Variants in TMEM132B observed in about 807,000 individuals in gnomAD.
TMEM132B encodes transmembrane protein 132B.
In TMEM132B, 18 loss-of-function variants were observed where a neutral mutation model predicts 90.8. That is an observed-to-expected ratio of 0.20 (90% CI 0.14 to 0.29). The LOEUF (loss-of-function observed/expected upper bound fraction) is 0.29, where lower values mean the gene tolerates loss of function less well. Among genes scored for constraint, TMEM132B ranks in the 10% least tolerant of loss-of-function variants. The pLI is 1.00. For synonymous variants in TMEM132B, 504 were observed against 523.3 expected (o/e 0.96, Z 0.50); for missense variants, 1,096 against 1,326.8 (o/e 0.83, Z 2.70).
intron 2 of TMEM132B, among the ~76,000 whole-genome samples, chr12:125,365,431 A>G (rs1024620633): frequency 6.6e-6 from 1 of 152,116 alleles, no homozygotes; most frequent in Non-Finnish European, 1.5e-5. Context: ...TATGTATTAT[A>G]AAGACATTAG....
rs182788600 is a variant in TMEM132B, at chr12:125,209,540, C to T, written c.67+22674C>T. Among the ~76,000 whole-genome samples the T allele has an allele frequency of 1.8e-4, 28 of 152,306 alleles. No individual in the cohort carries two copies. The East Asian group carries it at 3.7e-3, about 20-fold the overall frequency. On this transcript the variant is annotated intron_variant, in intron 1 of 8. Transcript: ENST00000682704. The surrounding 1 kb of genome is among the most constrained non-coding windows in gnomAD (Gnocchi z 4.4). ...ACTGACGGCAGGGACCCTGCCACCC[C>T]GTTTCCTTTGTTCCTGGCTGCTGTG...
At chr12:125,360,389 T>TA (rs1877922363) in intron 2 of TMEM132B, among the ~76,000 whole-genome samples, 1 of 152,248 alleles carries the variant, frequency 6.6e-6, no homozygotes, top group South Asian at 2.1e-4. Flanking sequence ...TCCTAGACGA[T>TA]GGTCTACAAT....
intron 5 of TMEM132B, among the ~76,000 whole-genome samples, chr12:125,609,497 G>A (rs1885773901): frequency 6.6e-6 from 1 of 151,846 alleles, no homozygotes; most frequent in South Asian, 2.1e-4. Flanking sequence ...TTTTTTTGGG[G>A]GGTGGTATTG....
At chr12:125,356,434 A>G (rs1439656999) in intron 2 of TMEM132B, among the ~76,000 whole-genome samples, 2 of 152,208 alleles carry the variant, frequency 1.3e-5, no homozygotes, top group Admixed American at 6.5e-5. Context: ...TTAACTTGGA[A>G]GCCACCTTCC....
chr12:125,573,868 A>G (rs549982642), intron 4 of TMEM132B, among the ~76,000 whole-genome samples: 10 of 152,330 alleles, frequency 6.6e-5, no homozygotes, highest in African/African-American at 2.4e-4. Flanking sequence ...TATTTATTTA[A>G]TGCCATCCTT....
intron 3 of TMEM132B, among the ~76,000 whole-genome samples, chr12:125,442,966 C>A (rs1174696091): frequency 6.6e-6 from 1 of 152,166 alleles, no homozygotes; most frequent in Non-Finnish European, 1.5e-5. Context: ...GTGGGCTAAA[C>A]GATGGATGTG....
intron 5 of TMEM132B, chr12:125,622,371 C>A: frequency 3.2e-6 from 2 of 625,408 alleles, no homozygotes; most frequent in Non-Finnish European, 4.0e-6. Flanking sequence ...AAGGTTCCCA[C>A]AAAGCAGAGT....
At chr12:125,303,891 A>C (rs544634964) in intron 1 of TMEM132B, among the ~76,000 whole-genome samples, 1 of 152,350 alleles carries the variant, frequency 6.6e-6, no homozygotes, top group South Asian at 2.1e-4. Flanking sequence ...AACCCTTATC[A>C]CATAGGAATT....
rs193020932 is a variant in TMEM132B at position 125,189,604 on chromosome 12, C to T, written c.67+2738C>T. On this transcript the variant is annotated intron_variant, in intron 1 of 8. Coordinates refer to ENST00000682704, the MANE Select transcript of TMEM132B (RefSeq NM_001366854.1). ...GTGGTGGGGAGTGGTATGCAAATGT[C>T]GTCGCCTTCTCCAGTGATTTAATGG... Among the ~76,000 whole-genome samples, 27 of 152,160 alleles carry T rather than the reference C, an allele frequency of 1.8e-4. 1 individual carries two copies. The highest frequency in any genetic ancestry group is 2.0e-4 in the Admixed American group (3 of 15,284).
At chr12:125,639,720 G>A (rs533984658) in intron 5 of TMEM132B, among the ~76,000 whole-genome samples, 2 of 152,312 alleles carry the variant, frequency 1.3e-5, no homozygotes, top group South Asian at 4.1e-4. Context: ...TAAATTCAGT[G>A]TACACAGTAG....
chr12:125,609,227 G>A (rs1488150366), intron 5 of TMEM132B, among the ~76,000 whole-genome samples: 10 of 152,094 alleles, frequency 6.6e-5, no homozygotes, highest in Admixed American at 2.0e-4. Flanking sequence ...GGGACAGAGC[G>A]AAACCATATC....
At chr12:125,549,691 T>A (rs949967306) in intron 4 of TMEM132B, among the ~76,000 whole-genome samples, 2 of 152,246 alleles carry the variant, frequency 1.3e-5, no homozygotes, top group African/African-American at 4.8e-5. Flanking sequence ...AGCACATTAC[T>A]TAACTTCTGT....
At chr12:125,425,129 G>A (rs1318240639) in intron 3 of TMEM132B, among the ~76,000 whole-genome samples, 1 of 152,210 alleles carries the variant, frequency 6.6e-6, no homozygotes, top group Admixed American at 6.5e-5. Context: ...CTCAAGCTTG[G>A]TTAAGGAGAA....
chr12:125,355,661 C>T (rs188933254), intron 2 of TMEM132B, among the ~76,000 whole-genome samples: 47 of 152,252 alleles, frequency 3.1e-4, no homozygotes, highest in African/African-American at 9.4e-4. Context: ...TATTTCCCAG[C>T]GTAACTGATT....
intron 4 of TMEM132B, among the ~76,000 whole-genome samples, chr12:125,527,447 T>TCCATCCAC (rs1883514995): frequency 7.9e-6 from 1 of 126,842 alleles, no homozygotes; most frequent in African/African-American, 3.0e-5. Context: ...TATTTACCCT[T>TCCATCCAC]CCATCCACCC....
chr12:125,461,075 T>C (rs1449730808), intron 3 of TMEM132B, among the ~76,000 whole-genome samples: 1 of 152,214 alleles, frequency 6.6e-6, no homozygotes, highest in African/African-American at 2.4e-5. Context: ...ATAATAAAGA[T>C]GTTCAGGAAG....
intron 1 of TMEM132B, among the ~76,000 whole-genome samples, chr12:125,339,400 G>A (rs1877093443): frequency 1.3e-5 from 2 of 152,022 alleles, no homozygotes; most frequent in Admixed American, 6.6e-5. Flanking sequence ...CTCATCTTAT[G>A]AGGACGCCAG....
intron 5 of TMEM132B, among the ~76,000 whole-genome samples, chr12:125,637,233 A>G (rs1162150121): frequency 6.6e-6 from 1 of 152,242 alleles, no homozygotes; most frequent in Non-Finnish European, 1.5e-5. Context: ...ATCAGAGAAT[A>G]ATCCAGGCTG....
In TMEM132B at chr12:125,209,033, G is replaced by A. The variant is rs1362415071; in HGVS notation, c.67+22167G>A. ...CACTCGAATGTCAACTGAGCCCGGG[G>A]TTATTGATTTACAGGAGGCAGATTA... On this transcript the variant is annotated intron_variant, in intron 1 of 8. Transcript: ENST00000682704. This position sits in a 1 kb window ranked among gnomAD's most constrained non-coding sequence, Gnocchi z 4.4. Among the ~76,000 whole-genome samples the A allele has an allele frequency of 1.3e-5, 2 of 152,192 alleles. No individual in the cohort carries two copies. The highest frequency in any genetic ancestry group is 2.9e-5 in the Non-Finnish European group (2 of 68,030).
Sources: gnomAD v4.1 joint callset for allele counts (sites outside exome capture counted in the v4.1 genomes callset) on GRCh38, gnomAD v4.1.1 for gene constraint, Gnocchi (gnomAD v3.1) non-coding constraint, MANE v1.5 for transcripts, NCBI Gene and HGNC (gene_info 2026-07-23, HGNC 2026-07-21) for gene names.